The following METTL8 variants were observed in gnomAD, a reference collection of about 807,000 sequenced individuals.
METTL8 encodes methyltransferase 8, tRNA N3-cytidine.
METTL8 carries 32 observed loss-of-function variants against 48.7 expected under a neutral mutation model. The ratio of observed to expected loss-of-function variants is 0.66; its 90% CI spans 0.50 to 0.88. The LOEUF is 0.88. Among genes scored for constraint, METTL8 ranks in the 40% least tolerant of loss-of-function variants. The pLI is 0.00. For synonymous variants in METTL8, 136 were observed against 157.1 expected (o/e 0.87, Z 1.01); for missense variants, 464 against 474.4 (o/e 0.98, Z 0.20).
At chr2:171,349,830 T>C (rs1307877726) in intron 3 of METTL8, among the ~76,000 whole-genome samples, 1 of 152,180 alleles carries the variant, frequency 6.6e-6, no homozygotes, top group African/African-American at 2.4e-5. Context: ...ATGCCTGTCA[T>C]TGTCAGGTTT....
At chr2:171,420,032 G>C (rs1412289946) in intron 1 of METTL8, among the ~76,000 whole-genome samples, 1 of 151,668 alleles carries the variant, frequency 6.6e-6, no homozygotes, top group African/African-American at 2.4e-5. Flanking sequence ...TTCCCACCAA[G>C]CAGATGACTG....
Position 171,332,217 on chromosome 2 carries a change from TACTC to T in METTL8, c.657-354_657-351del, listed in dbSNP as rs555378954. ...AATATTTATATCTGGAGTCTAGAAA[TACTC>T]AAACTAGAGAAGAAAGGAAACTGTA... On this transcript the variant is annotated intron_variant, in intron 5 of 9. Coordinates refer to ENST00000375258, the MANE Select transcript of METTL8 (RefSeq NM_001321154.2). The T allele has an allele frequency of 4.8e-3, 832 of 172,518 alleles. 8 individuals are homozygous for T. Among genetic ancestry groups the T allele is most frequent in the African/African-American group, 0.019 (782 of 42,090 alleles). 10.7% of individuals were successfully genotyped at this position (172,518 alleles called of 1,614,324 possible).
chr2:171,419,729 G>A (rs564319969), intron 1 of METTL8, among the ~76,000 whole-genome samples: 31 of 151,942 alleles, frequency 2.0e-4, no homozygotes, highest in South Asian at 1.2e-3. Flanking sequence ...TTCCATCCTG[G>A]AATCCCCACA....
chr2:171,342,032 A>T (rs1199519033), intron 3 of METTL8, among the ~76,000 whole-genome samples: 1 of 152,254 alleles, frequency 6.6e-6, no homozygotes, highest in Non-Finnish European at 1.5e-5. Context: ...AATAAATTAA[A>T]CTAAAAATAA....
intron 1 of METTL8, among the ~76,000 whole-genome samples, chr2:171,396,249 G>A (rs1185294597): frequency 6.6e-6 from 1 of 151,800 alleles, no homozygotes; most frequent in Non-Finnish European, 1.5e-5. Flanking sequence ...GTGACAGAGT[G>A]GGACTCTGTC....
intron 2 of METTL8, among the ~76,000 whole-genome samples, chr2:171,361,452 A>G (rs1685163667): frequency 3.3e-5 from 5 of 152,174 alleles, no homozygotes; most frequent in Admixed American, 2.6e-4. Flanking sequence ...GATAAATTAT[A>G]CAATTTTCTT....
At chr2:171,434,404 T>G, upstream of METTL8, 1 of 1,148,626 alleles carries the variant, frequency 8.7e-7, no homozygotes, top group South Asian at 1.3e-5. Context: ...CGGCTCTGCT[T>G]TCCCTCGCCC....
chr2:171,434,746 C>G (rs1213248405), upstream of METTL8: 1 of 1,390,966 alleles, frequency 7.2e-7, no homozygotes, highest in Non-Finnish European at 9.2e-7. Context: ...GCCGCGGGCG[C>G]GCGGCGGCCG....
intron 3 of METTL8, among the ~76,000 whole-genome samples, chr2:171,340,409 G>T (rs930846913): frequency 2.7e-5 from 4 of 150,528 alleles, no homozygotes; most frequent in Non-Finnish European, 4.4e-5. Flanking sequence ...GGCTGAGGCA[G>T]GAGAAATGCT....
At chr2:171,408,303 T>G (rs1333487823) in intron 1 of METTL8, among the ~76,000 whole-genome samples, 1 of 151,626 alleles carries the variant, frequency 6.6e-6, no homozygotes. Flanking sequence ...TTTGTTTTTT[T>G]TTTTTTTTGA....
chr2:171,365,329 T>C (rs1016006224), intron 2 of METTL8, among the ~76,000 whole-genome samples: 1 of 152,156 alleles, frequency 6.6e-6, no homozygotes, highest in Admixed American at 6.5e-5. Flanking sequence ...CTCCAGGAAA[T>C]TCACAGAAAC....
intron 1 of METTL8, among the ~76,000 whole-genome samples, chr2:171,407,001 G>A (rs184428431): frequency 3.9e-4 from 59 of 152,146 alleles, no homozygotes; most frequent in African/African-American, 1.3e-3. Context: ...TTTGTGGGGC[G>A]AAATATTTGG....
At chr2:171,354,092 G>A (rs544146897) in intron 3 of METTL8, among the ~76,000 whole-genome samples, 1 of 152,290 alleles carries the variant, frequency 6.6e-6, no homozygotes, top group South Asian at 2.1e-4. Context: ...TTCAATGGCT[G>A]GTACCGGTTG....
chr2:171,335,078 A>G (rs1685945068), intron 5 of METTL8, among the ~76,000 whole-genome samples: 1 of 152,208 alleles, frequency 6.6e-6, no homozygotes, highest in African/African-American at 2.4e-5. Context: ...GTAAAGGAAT[A>G]TGGCTATGTG....
At position 171,318,756 on chromosome 2, in the gene METTL8, C is replaced by T. The variant is rs151307994; in HGVS notation, c.*5416G>A. ...GTCGTCTGAAACAAACTCCTCTCCA[C>T]TGCTATCGTTTTCTGCTTGACTCAG... On this transcript the variant is annotated 3_prime_UTR_variant, in exon 10 of 10. Coordinates refer to ENST00000375258, the MANE Select transcript of METTL8 (RefSeq NM_001321154.2). 1 of 152,080 alleles carries T rather than the reference C, an allele frequency of 6.6e-6. No individual in the cohort carries two copies. The highest frequency in any genetic ancestry group is 1.9e-4 in the East Asian group (1 of 5,164). The allele number at this position is 152,080 out of a possible 1,614,324, so 9.4% of individuals were successfully genotyped here.
At chr2:171,354,872 T>TTC (rs1684356737) in intron 3 of METTL8, among the ~76,000 whole-genome samples, 1 of 152,072 alleles carries the variant, frequency 6.6e-6, no homozygotes, top group South Asian at 2.1e-4. Flanking sequence ...AATTTTTTTT[T>TTC]CAAGGTTTTT....
intron 3 of METTL8, among the ~76,000 whole-genome samples, chr2:171,340,185 T>G (rs1686575961): frequency 2.7e-4 from 24 of 87,300 alleles, no homozygotes; most frequent in Middle Eastern, 0.012. Context: ...GCAACAAGAG[T>G]GAAACTCTGT....
intron 3 of METTL8, among the ~76,000 whole-genome samples, chr2:171,340,536 G>C (rs1218436197): frequency 6.7e-6 from 1 of 148,964 alleles, no homozygotes; most frequent in East Asian, 2.0e-4. Flanking sequence ...CTGGAGCAGT[G>C]AGACAGAGTG....
chr2:171,360,280 A>G (rs1190956303), intron 3 of METTL8, 142 bp downstream of exon 3: 1 of 649,050 alleles, frequency 1.5e-6, no homozygotes, highest in Non-Finnish European at 2.6e-6. Context: ...GTCCCACTAC[A>G]CTGGAAGAAC....
Sources: gnomAD v4.1 joint callset for allele counts (sites outside exome capture counted in the v4.1 genomes callset) on GRCh38, gnomAD v4.1.1 for gene constraint, MANE v1.5 for transcripts, NCBI Gene and HGNC (gene_info 2026-07-23, HGNC 2026-07-21) for gene names.